LYRM9: variants seen among roughly 807,000 people sequenced by gnomAD.
LYRM9 encodes LYR motif containing 9.
LYRM9 carries 14 observed loss-of-function variants against 12.6 expected under a neutral mutation model. The ratio of observed to expected loss-of-function variants is 1.11; its 90% CI spans 0.73 to 1.73. The LOEUF is 1.73. LYRM9 is among the 40% of genes most tolerant of loss of function. The pLI is 0.00. For missense variants in LYRM9, 94 were observed against 95.0 expected (o/e 0.99, Z 0.04); for synonymous variants, 42 against 35.1 (o/e 1.20, Z -0.69).
intron 1 of LYRM9, among the ~76,000 whole-genome samples, chr17:27,887,897 C>A (rs1438524119): frequency 6.6e-6 from 1 of 152,124 alleles, no homozygotes; most frequent in Non-Finnish European, 1.5e-5. Context: ...GAGCTGATGT[C>A]CCAGTTTGAA....
In LYRM9 at chr17:27,878,403, G is replaced by A. The variant is rs576437933; in HGVS notation, c.*1070C>T. 2 of 152,330 alleles carry A rather than the reference G, an allele frequency of 1.3e-5. No homozygotes were observed. The highest frequency in any genetic ancestry group is 3.9e-4 in the East Asian group (2 of 5,182). 9.4% of individuals were successfully genotyped at this position (152,330 alleles called of 1,614,324 possible). On this transcript the variant is annotated 3_prime_UTR_variant, in exon 4 of 4. Transcript: ENST00000379102. ...ACTTCATTGCCAGCGGAGTACACTC[G>A]CATACATAGATATCTCTGAGTCACT...
intron 1 of LYRM9, 45 bp from the exon 2 acceptor site, chr17:27,882,757 A>G: frequency 6.6e-7 from 1 of 1,521,236 alleles, no homozygotes; most frequent in East Asian, 2.4e-5. Flanking sequence ...AGCCAAGTTC[A>G]GTACTCAGCC....
intron 1 of LYRM9, among the ~76,000 whole-genome samples, chr17:27,885,153 G>T (rs182759117): frequency 6.6e-6 from 1 of 152,174 alleles, no homozygotes; most frequent in African/African-American, 2.4e-5. Context: ...CAGAAGGTCT[G>T]AGTGGGACTA....
At chr17:27,885,839 T>C (rs1167727437) in intron 1 of LYRM9, among the ~76,000 whole-genome samples, 1 of 152,096 alleles carries the variant, frequency 6.6e-6, no homozygotes, top group African/African-American at 2.4e-5. Flanking sequence ...GTTTGTTTTG[T>C]CACTTGTATC....
At chr17:27,887,269 G>A (rs1905261497) in intron 1 of LYRM9, among the ~76,000 whole-genome samples, 1 of 152,118 alleles carries the variant, frequency 6.6e-6, no homozygotes, top group African/African-American at 2.4e-5. Context: ...GTAGTATACA[G>A]CCAGTATTTT....
chr17:27,879,664 G>A, intron 3 of LYRM9, 174 bp from the exon 4 acceptor site: 1 of 611,154 alleles, frequency 1.6e-6, no homozygotes, highest in South Asian at 2.1e-5. Flanking sequence ...TTCATGCCTG[G>A]ACTCCCTTTC....
chr17:27,885,654 T>C (rs548358678), intron 1 of LYRM9, among the ~76,000 whole-genome samples: 2 of 127,690 alleles, frequency 1.6e-5, no homozygotes, highest in East Asian at 4.5e-4. Context: ...TGAGCTGTGA[T>C]CACACCACGG....
intron 3 of LYRM9, chr17:27,880,073 C>CT (rs767724840): frequency 2.8e-6 from 2 of 701,914 alleles, no homozygotes; most frequent in Non-Finnish European, 2.6e-6. Flanking sequence ...GTGAGAGCCC[C>CT]TCCCCACTTG....
rs1461536402 is a variant in LYRM9, at chr17:27,886,662, T to G, written c.-18-3950A>C. Reference sequence around the variant, plus strand: ...TTTCTTTTCTTTTTTTATTTTTTTTTTTTTGAGACAGAGTTTCGCTCTTGT... The same window carrying G: ...TTTCTTTTCTTTTTTTATTTTTTTTGTTTTGAGACAGAGTTTCGCTCTTGT... On this transcript the variant is annotated intron_variant, in intron 1 of 3. Transcript: ENST00000379102. This position sits in a 1 kb window ranked among gnomAD's most constrained non-coding sequence, Gnocchi z 4.8. Among the ~76,000 whole-genome samples the G allele has an allele frequency of 6.6e-6, 1 of 150,968 alleles. No homozygotes were observed. Among genetic ancestry groups the G allele is most frequent in the African/African-American group, 2.4e-5 (1 of 40,990 alleles).
intron 1 of LYRM9, among the ~76,000 whole-genome samples, chr17:27,883,990 T>C (rs962047429): frequency 6.6e-6 from 1 of 151,654 alleles, no homozygotes; most frequent in Non-Finnish European, 1.5e-5. Flanking sequence ...AGAGTTAACA[T>C]ATCTATCATC....
intron 1 of LYRM9, among the ~76,000 whole-genome samples, chr17:27,890,044 G>A (rs189941669): frequency 6.6e-6 from 1 of 152,302 alleles, no homozygotes; most frequent in Admixed American, 6.5e-5. Context: ...TTATAGATGA[G>A]GAAACTGAGG....
chr17:27,892,051 C>T (rs1456664973), intron 1 of LYRM9: 1 of 166,478 alleles, frequency 6.0e-6, no homozygotes, highest in Non-Finnish European at 1.3e-5. Flanking sequence ...ACCTCAGCCT[C>T]TCAAGTGGCC....
chr17:27,884,336 C>T (rs1484222365), intron 1 of LYRM9, among the ~76,000 whole-genome samples: 1 of 152,238 alleles, frequency 6.6e-6, no homozygotes, highest in Non-Finnish European at 1.5e-5. Flanking sequence ...CCTAGCCTGT[C>T]ACTCCAGTCT....
Position 27,886,178 on chromosome 17 carries a change from A to G in LYRM9, c.-18-3466T>C, listed in dbSNP as rs1905226935. On this transcript the variant is annotated intron_variant, in intron 1 of 3. Coordinates refer to ENST00000379102, the MANE Select transcript of LYRM9 (RefSeq NM_001076680.3). This position sits in a 1 kb window ranked among gnomAD's most constrained non-coding sequence, Gnocchi z 4.8. ...CGCGGAACAGATGGTTACCATCTGC[A>G]GTCCTCAAAATTAACATTTGGAAAG... Among the ~76,000 whole-genome samples the G allele has an allele frequency of 6.6e-6, 1 of 152,210 alleles. No homozygotes were observed. The highest frequency in any genetic ancestry group is 2.1e-4 in the South Asian group (1 of 4,828).
At chr17:27,881,271 G>C (rs567835549) in intron 2 of LYRM9, 2 of 136,938 alleles carry the variant, frequency 1.5e-5, no homozygotes, top group Admixed American at 7.3e-5. Flanking sequence ...AAAAAGAACT[G>C]GCACCTCCCT....
intron 2 of LYRM9, chr17:27,880,574 A>G (rs1358727177): frequency 1.7e-6 from 1 of 587,378 alleles, no homozygotes; most frequent in African/African-American, 1.9e-5. Context: ...ATCCTAGTCT[A>G]TGTGACTGCA....
At chr17:27,887,290 G>A (rs1175178575) in intron 1 of LYRM9, among the ~76,000 whole-genome samples, 1 of 152,124 alleles carries the variant, frequency 6.6e-6, no homozygotes, top group Non-Finnish European at 1.5e-5. Flanking sequence ...TTATTGTAAT[G>A]ATTTTATATT....
chr17:27,887,468 T>TA (rs922448026), intron 1 of LYRM9, among the ~76,000 whole-genome samples: 3 of 152,162 alleles, frequency 2.0e-5, no homozygotes, highest in African/African-American at 4.8e-5. Flanking sequence ...GTCTACAGAA[T>TA]AAAATCCAGG....
In LYRM9 at chr17:27,879,935, G is replaced by C; in HGVS notation, c.219+339C>G. On this transcript the variant is annotated intron_variant, in intron 3 of 3. Coordinates refer to ENST00000379102, the MANE Select transcript of LYRM9 (RefSeq NM_001076680.3). ...AGACAGGGAGTCCCCCGCCAGGACA[G>C]CTTCCCTCTCTGCGGCATCACAGTG... The C allele has an allele frequency of 5.0e-6, 3 of 604,450 alleles. No individual in the cohort carries two copies. The South Asian group carries it at 6.0e-5, about 12-fold the overall frequency. 37.4% of individuals were successfully genotyped at this position (604,450 alleles called of 1,614,324 possible). A position where few individuals can be genotyped will look rare whatever the true frequency, so the allele number is the denominator to read the frequency against.
Sources: gnomAD v4.1 joint callset for allele counts (sites outside exome capture counted in the v4.1 genomes callset) on GRCh38, gnomAD v4.1.1 for gene constraint, Gnocchi (gnomAD v3.1) non-coding constraint, MANE v1.5 for transcripts, NCBI Gene and HGNC (gene_info 2026-07-23, HGNC 2026-07-21) for gene names.